Variants in EBF1 observed in about 807,000 individuals in gnomAD.
EBF1 encodes EBF transcription factor 1, also known as transcription factor COE1.
Under a neutral mutation model 68.4 loss-of-function variants are expected in EBF1, and 10 were observed. The ratio of observed to expected loss-of-function variants is 0.15; its 90% confidence interval spans 0.09 to 0.25. The LOEUF is 0.25. Among genes scored for constraint, EBF1 ranks in the 10% least tolerant of loss-of-function variants. The probability of loss-of-function intolerance (pLI) is 1.00; values close to 1 mark genes in which losing one functional copy is unlikely to be tolerated. For synonymous variants in EBF1, 298 were observed against 299.8 expected (o/e 0.99, Z 0.06); for missense variants, 509 against 794.4 (o/e 0.64, Z 4.32).
intron 6 of EBF1, among the ~76,000 whole-genome samples, chr5:158,840,520 A>G (rs1789994920): frequency 6.6e-6 from 1 of 152,228 alleles, no homozygotes; most frequent in Admixed American, 6.5e-5. Context: ...CTGGATGAAT[A>G]CAAGGATTTG....
At chr5:159,061,995 C>T (rs1418300181) in intron 6 of EBF1, among the ~76,000 whole-genome samples, 1 of 152,110 alleles carries the variant, frequency 6.6e-6, no homozygotes, top group Non-Finnish European at 1.5e-5. Flanking sequence ...TCAGCTGAAC[C>T]TACGTTCCCT....
chr5:159,061,311 G>A (rs923624775), intron 6 of EBF1, among the ~76,000 whole-genome samples: 2 of 151,818 alleles, frequency 1.3e-5, no homozygotes, highest in African/African-American at 4.8e-5. Context: ...TGAAACAACC[G>A]GTTTCTGTAT....
chr5:158,728,062 G>A (rs979951698), intron 11 of EBF1, among the ~76,000 whole-genome samples: 5 of 152,130 alleles, frequency 3.3e-5, no homozygotes, highest in African/African-American at 9.7e-5. Context: ...TAAGAAAGGC[G>A]CAGCCCATTT....
intron 6 of EBF1, among the ~76,000 whole-genome samples, chr5:158,879,341 A>C (rs965828923): frequency 6.6e-6 from 1 of 152,218 alleles, no homozygotes; most frequent in Non-Finnish European, 1.5e-5. Flanking sequence ...AAGAGAGTAC[A>C]TGCGTCAAGA....
chr5:159,072,605 C>A (rs1376507151), intron 6 of EBF1, among the ~76,000 whole-genome samples: 1 of 152,138 alleles, frequency 6.6e-6, no homozygotes, highest in Non-Finnish European at 1.5e-5. Flanking sequence ...ACCTTCCAGG[C>A]CATTTAACTC....
Position 158,708,039 on chromosome 5 carries a change from C to T in EBF1, c.1684G>A (p.Val562Ile), listed in dbSNP as rs764892787. Residue 562 changes from valine (V) to isoleucine (I), a missense_variant, in exon 15 of 16, where the codon GTC becomes ATC. Physicochemically the swap from Val to Ile is conservative, Grantham distance 29. This residue lies in a region of EBF1 where 205 missense variants were observed against 247.4 expected (regional missense o/e 0.83). Transcript: ENST00000313708. ...GGAGGTGGGGAGGTCTGGGGTCTGACGACTGGTGCGAAAGCACTCTTCTGT... is the reference window on the plus strand; with the variant it reads ...GGAGGTGGGGAGGTCTGGGGTCTGATGACTGGTGCGAAAGCACTCTTCTGT... ...VKQKSAFAPV[V>I]RPQTSPPPTC... 1.7e-5 allele frequency: 26 copies of T among 1,553,594 alleles called. No individual in the cohort carries two copies. The highest frequency in any genetic ancestry group is 1.5e-4 in the South Asian group (13 of 84,200).
At chr5:158,930,469 C>A (rs1202581762) in intron 6 of EBF1, among the ~76,000 whole-genome samples, 1 of 152,160 alleles carries the variant, frequency 6.6e-6, no homozygotes, top group Non-Finnish European at 1.5e-5. Context: ...GAGCTGCCCA[C>A]CTTCCCATGC....
At chr5:158,915,490 T>G (rs1254272388) in intron 6 of EBF1, among the ~76,000 whole-genome samples, 1 of 152,222 alleles carries the variant, frequency 6.6e-6, no homozygotes, top group Non-Finnish European at 1.5e-5. Flanking sequence ...CATCTCCGCT[T>G]CCCTTCTTTG....
intron 8 of EBF1, among the ~76,000 whole-genome samples, chr5:158,801,777 C>G (rs1003147960): frequency 6.6e-6 from 1 of 152,022 alleles, no homozygotes; most frequent in African/African-American, 2.4e-5. Flanking sequence ...ATCACCTACT[C>G]TATCTCCCGA....
chr5:158,906,324 CAA>C (rs1193915037), intron 6 of EBF1, among the ~76,000 whole-genome samples: 1 of 132,598 alleles, frequency 7.5e-6, no homozygotes, highest in Non-Finnish European at 1.6e-5. Flanking sequence ...AAAAAAAAAG[CAA>C]AGAGACTCCA....
chr5:158,952,496 G>A (rs1369003832), intron 6 of EBF1, among the ~76,000 whole-genome samples: 1 of 152,138 alleles, frequency 6.6e-6, no homozygotes, highest in African/African-American at 2.4e-5. Context: ...CATAACTTCA[G>A]AGCCTGGTTT....
At chr5:159,034,921 G>A (rs923466291) in intron 6 of EBF1, among the ~76,000 whole-genome samples, 1 of 152,078 alleles carries the variant, frequency 6.6e-6, no homozygotes, top group African/African-American at 2.4e-5. Flanking sequence ...TTCCCCTCAT[G>A]TTGAGAAACA....
At chr5:158,765,922 A>G (rs969239982) in intron 10 of EBF1, among the ~76,000 whole-genome samples, 1 of 152,238 alleles carries the variant, frequency 6.6e-6, no homozygotes, top group African/African-American at 2.4e-5. Context: ...AACGGGAAAG[A>G]AATATCAGCA....
At chr5:158,907,632 A>G (rs1371454283) in intron 6 of EBF1, among the ~76,000 whole-genome samples, 1 of 152,208 alleles carries the variant, frequency 6.6e-6, no homozygotes, top group Non-Finnish European at 1.5e-5. Context: ...TTCCTGAGTT[A>G]TCAGTTTCAT....
chr5:158,960,967 G>A (rs1051260038), intron 6 of EBF1, among the ~76,000 whole-genome samples: 5 of 152,030 alleles, frequency 3.3e-5, no homozygotes, highest in Non-Finnish European at 7.4e-5. Context: ...GACAATAAAT[G>A]TTTATTTTTT....
intron 10 of EBF1, among the ~76,000 whole-genome samples, chr5:158,768,759 A>G (rs1213944936): frequency 6.6e-6 from 1 of 152,176 alleles, no homozygotes; most frequent in Non-Finnish European, 1.5e-5. Context: ...AAAGAGGAAA[A>G]GAAATTTAGA....
intron 6 of EBF1, among the ~76,000 whole-genome samples, chr5:158,912,120 C>T (rs1398890471): frequency 6.6e-6 from 1 of 152,220 alleles, no homozygotes; most frequent in African/African-American, 2.4e-5. Context: ...GCTATTGACT[C>T]AGGGCTCATC....
chr5:158,823,777 G>A (rs1785382864), intron 7 of EBF1, among the ~76,000 whole-genome samples: 1 of 152,160 alleles, frequency 6.6e-6, no homozygotes, highest in Admixed American at 6.6e-5. Context: ...AGTAAGAGCA[G>A]GGATGCATTT....
intron 7 of EBF1, among the ~76,000 whole-genome samples, chr5:158,825,556 CT>C (rs201596659): frequency 0.034 from 5,084 of 150,916 alleles, 138 homozygotes; most frequent in East Asian, 0.16. Context: ...AAACTTAAGG[CT>C]TAAAATATTC....
Sources: allele counts gnomAD v4.1 joint callset (sites outside exome capture counted in the v4.1 genomes callset), GRCh38; gene constraint gnomAD v4.1.1; regional missense constraint gnomAD v4.1.1; transcripts MANE v1.5; gene names NCBI Gene and HGNC (gene_info 2026-07-23, HGNC 2026-07-21).